The following LRIF1 variants were observed in gnomAD, a reference collection of about 807,000 sequenced individuals.
LRIF1 encodes the protein ligand-dependent nuclear receptor-interacting factor 1.
A neutral mutation model predicts 52.7 loss-of-function variants in LRIF1; 32 were observed. The ratio of observed to expected loss-of-function variants is 0.61; its 90% CI spans 0.46 to 0.82. The LOEUF is 0.82. Ranked by LOEUF, LRIF1 falls within the 40% of genes least tolerant of loss-of-function variation. The pLI, the probability that LRIF1 is intolerant of heterozygous loss-of-function variation, is 0.00. For synonymous variants in LRIF1, 323 were observed against 317.4 expected, an observed-to-expected ratio of 1.02 and a Z score of -0.19; for missense variants, 887 against 892.0, an observed-to-expected ratio of 0.99 and a Z score of 0.07.
chr1:110,907,343 G>T, the LRIF1 span, among the ~76,000 whole-genome samples: 1 of 152,124 alleles, frequency 6.6e-6, no homozygotes, highest in African/African-American at 2.4e-5. Flanking sequence ...TTTCTTCTCA[G>T]AGATTTTAGA....
chr1:110,951,971 C>A lies in LRIF1; in HGVS notation c.913G>T (p.Val305Phe), dbSNP rs751943537. ...ACATTATTTGAAGACTTAACAGGAA[C>A]AAGAGATGGCGTAAAAGGCTGTAGA... ...DNLQPFTPSLVPVKSSNNVAS... is the reference protein window; with the variant it reads ...DNLQPFTPSLFPVKSSNNVAS... The change falls in exon 2 of 4, where the codon GTT (valine) becomes TTT (phenylalanine). Residue 305 changes from valine to phenylalanine, a missense_variant. Val to Phe is a conservative substitution (Grantham distance 50). Transcript: ENST00000369763. 1.2e-6 allele frequency: 2 copies of A among 1,614,106 alleles called. No individual in the cohort carries two copies. Among genetic ancestry groups the A allele is most frequent in the East Asian group, 4.5e-5 (2 of 44,878 alleles).
At chr1:110,908,047 G>A in the LRIF1 span, among the ~76,000 whole-genome samples, 1 of 152,150 alleles carries the variant, frequency 6.6e-6, no homozygotes, top group Non-Finnish European at 1.5e-5. Flanking sequence ...ACCTTTCAGA[G>A]AGATGATAAA....
chr1:110,876,128 A>G, the LRIF1 span, among the ~76,000 whole-genome samples: 1 of 152,370 alleles, frequency 6.6e-6, no homozygotes, highest in East Asian at 1.9e-4. Flanking sequence ...TTTAGATTCA[A>G]ATAAAGTATC....
chr1:110,896,792 C>G, the LRIF1 span: 3 of 1,439,990 alleles, frequency 2.1e-6, no homozygotes, highest in Non-Finnish European at 2.9e-6. Flanking sequence ...TTAATTACCT[C>G]GGAAACTGCA....
At chr1:110,961,176 C>T (rs1005170481) in intron 1 of LRIF1, among the ~76,000 whole-genome samples, 5 of 152,204 alleles carry the variant, frequency 3.3e-5, no homozygotes, top group African/African-American at 1.2e-4. Context: ...AACTCCCTTT[C>T]TCTACTCTCT....
At chr1:110,939,377 C>CAAAAAAAAA in the LRIF1 span, 2 of 60,652 alleles carry the variant, frequency 3.3e-5, no homozygotes, top group African/African-American at 6.4e-5. Context: ...GACTCCGTCT[C>CAAAAAAAAA]AAAAAAAAAA....
At chr1:110,937,627 G>A in the LRIF1 span, 2 of 151,516 alleles carry the variant, frequency 1.3e-5, no homozygotes, top group Non-Finnish European at 3.0e-5. Flanking sequence ...ATCAAAAAGG[G>A]GAAAACTTCA....
the LRIF1 span, chr1:110,895,103 A>C: frequency 2.8e-5 from 39 of 1,383,148 alleles, no homozygotes; most frequent in Non-Finnish European, 3.0e-5. Flanking sequence ...CTTCATTTTC[A>C]AGCCTAAATC....
chr1:110,927,428 A>G, the LRIF1 span, among the ~76,000 whole-genome samples: 41,486 of 152,068 alleles, frequency 0.27, 6,399 homozygotes, highest in African/African-American at 0.4. Context: ...GCTGGAACAC[A>G]GAGGAATAAC....
chr1:110,946,651 CTTTTTTTT>C (rs1197301792), downstream of LRIF1, among the ~76,000 whole-genome samples: 1 of 80,858 alleles, frequency 1.2e-5, no homozygotes, highest in Non-Finnish European at 2.3e-5. Flanking sequence ...AGATTTGATC[CTTTTTTTT>C]TTTTTTTTTT....
downstream of LRIF1, chr1:110,945,265 G>C (rs1414526981): frequency 1.2e-4 from 19 of 152,148 alleles, no homozygotes; most frequent in Admixed American, 1.2e-3. Context: ...GACGCACACA[G>C]AATGATCAGA....
chr1:110,878,220 A>G, the LRIF1 span, among the ~76,000 whole-genome samples: 2 of 152,174 alleles, frequency 1.3e-5, no homozygotes, highest in Non-Finnish European at 2.9e-5. Flanking sequence ...TGAACTATCT[A>G]TTATGTATCT....
chr1:110,897,416 A>G, the LRIF1 span, among the ~76,000 whole-genome samples: 2 of 152,238 alleles, frequency 1.3e-5, no homozygotes. Flanking sequence ...TAGGGCTATG[A>G]TGGATTTACT....
At chr1:110,891,384 T>C in the LRIF1 span, 21 of 1,597,464 alleles carry the variant, frequency 1.3e-5, no homozygotes, top group African/African-American at 2.5e-4. Context: ...TTCTTCCTTA[T>C]TCCTTAGGGC....
At chr1:110,952,892 A>G (rs1658544101) in intron 1 of LRIF1, 77 bp from the exon 2 acceptor site, 1 of 782,814 alleles carries the variant, frequency 1.3e-6, no homozygotes, top group Admixed American at 4.3e-5. Context: ...ATATTTGTAA[A>G]TATTTGTAAA....
At chr1:110,890,482 A>G in the LRIF1 span, among the ~76,000 whole-genome samples, 1 of 152,062 alleles carries the variant, frequency 6.6e-6, no homozygotes, top group African/African-American at 2.4e-5. Flanking sequence ...TGGGAGGATC[A>G]CTTGAGCCTG....
the LRIF1 span, among the ~76,000 whole-genome samples, chr1:110,914,712 C>T: frequency 2.0e-5 from 3 of 152,038 alleles, no homozygotes; most frequent in Non-Finnish European, 4.4e-5. Context: ...GAGATCACAC[C>T]ATTGCACTCC....
downstream of LRIF1, chr1:110,943,322 G>T (rs1236012788): frequency 1.3e-5 from 2 of 152,226 alleles, no homozygotes; most frequent in South Asian, 2.1e-4. Flanking sequence ...AAATTATGAA[G>T]AATAATGTTG....
intron 1 of LRIF1, among the ~76,000 whole-genome samples, chr1:110,958,503 G>C (rs900350776): frequency 1.3e-5 from 2 of 152,142 alleles, no homozygotes; most frequent in East Asian, 3.9e-4. Context: ...TCCTTAAGGT[G>C]AGAGGCTTTA....
Sources: gnomAD v4.1 joint callset for allele counts (sites outside exome capture counted in the v4.1 genomes callset) on GRCh38, gnomAD v4.1.1 for gene constraint, MANE v1.5 for transcripts, NCBI Gene and HGNC (gene_info 2026-07-23, HGNC 2026-07-21) for gene names.